Variants in EYS observed in about 807,000 individuals in gnomAD.
The protein encoded by EYS is protein eyes shut homolog.
A neutral mutation model predicts 282.1 loss-of-function variants in EYS; 250 were observed. That is an observed-to-expected ratio of 0.89 (90% CI 0.80 to 0.98). The LOEUF (loss-of-function observed/expected upper bound fraction) is 0.98, where lower values mean the gene tolerates loss of function less well. Among genes scored for constraint, EYS ranks in the 50% least tolerant of loss-of-function variants. EYS has a pLI of 0.00. For missense variants in EYS, 4,016 were observed against 3,709.0 expected, an observed-to-expected ratio of 1.08 and a Z score of -2.15; for synonymous variants, 1,355 against 1,282.9, an observed-to-expected ratio of 1.06 and a Z score of -1.20.
At chr6:64,969,974 CA>C (rs1415511555) in intron 14 of EYS, among the ~76,000 whole-genome samples, 2 of 152,066 alleles carry the variant, frequency 1.3e-5, no homozygotes, top group African/African-American at 4.8e-5. Context: ...GGCTTTAATA[CA>C]GTAGCTATTT....
At chr6:65,407,558 A>G (rs948389281) in intron 5 of EYS, among the ~76,000 whole-genome samples, 1 of 152,012 alleles carries the variant, frequency 6.6e-6, no homozygotes, top group Non-Finnish European at 1.5e-5. Flanking sequence ...CCGGCCTTGA[A>G]GTATTGTTTT....
intron 26 of EYS, among the ~76,000 whole-genome samples, chr6:64,487,527 C>T (rs1251165402): frequency 6.6e-6 from 1 of 150,604 alleles, no homozygotes; most frequent in Non-Finnish European, 1.5e-5. Context: ...TGCTTATGTC[C>T]TAACAAAATT....
At chr6:65,637,067 C>T (rs1767114216) in intron 2 of EYS, among the ~76,000 whole-genome samples, 2 of 152,184 alleles carry the variant, frequency 1.3e-5, no homozygotes, top group African/African-American at 4.8e-5. Context: ...GATCCTCCAC[C>T]TCTGCGTCTA....
intron 30 of EYS, among the ~76,000 whole-genome samples, chr6:64,271,482 T>A (rs955929828): frequency 1.3e-5 from 2 of 152,284 alleles, no homozygotes; most frequent in East Asian, 3.9e-4. Flanking sequence ...TTAAATTTAC[T>A]GATTTTAAAA....
intron 8 of EYS, among the ~76,000 whole-genome samples, chr6:65,366,632 T>C (rs1764922168): frequency 1.3e-5 from 2 of 151,640 alleles, no homozygotes; most frequent in Admixed American, 6.7e-5. Context: ...CTTGAAGCCT[T>C]TGTGGATTTG....
In EYS at chr6:63,824,829, G is replaced by A. The variant is rs113396523; in HGVS notation, c.7229-18457C>T. 7.2e-3 allele frequency among the ~76,000 whole-genome samples: 1,075 copies of A among 148,526 alleles called. 15 individuals carry two copies. Among genetic ancestry groups the A allele is most frequent in the South Asian group, 0.023 (113 of 4,814 alleles). ...CCATCAGGAGGGTGGCCAGAGGAAC[G>A]GGGGCAAAACTCCAAAGGGAGAAGG... is the stretch of plus-strand genomic sequence containing the variant. On this transcript the variant is annotated intron_variant, in intron 36 of 42. Transcript: ENST00000503581.
intron 22 of EYS, among the ~76,000 whole-genome samples, chr6:64,804,675 A>G (rs1764369115): frequency 6.6e-6 from 1 of 152,174 alleles, no homozygotes; most frequent in South Asian, 2.1e-4. Flanking sequence ...TACTAAAGCA[A>G]CCTATGTTTG....
chr6:65,033,226 A>G lies in EYS; in HGVS notation c.2137+24388T>C, dbSNP rs1028388570. On this transcript the variant is annotated intron_variant, in intron 13 of 42. Transcript: ENST00000503581. Reference sequence around the variant, plus strand: ...AGTTATATATGAAAGAGAAGCAAACATAAGAGTTTGGAAAATTTGCAGCCT... The same window carrying G: ...AGTTATATATGAAAGAGAAGCAAACGTAAGAGTTTGGAAAATTTGCAGCCT... Among the ~76,000 whole-genome samples, 4 of 152,214 alleles carry G rather than the reference A, an allele frequency of 2.6e-5. No homozygotes were observed. The South Asian group carries it at 6.2e-4, about 24-fold the overall frequency.
At chr6:64,923,463 C>T (rs1345659549) in intron 15 of EYS, among the ~76,000 whole-genome samples, 1 of 152,130 alleles carries the variant, frequency 6.6e-6, no homozygotes, top group African/African-American at 2.4e-5. Flanking sequence ...TCATTTCACC[C>T]ATGGCCCTTC....
intron 30 of EYS, among the ~76,000 whole-genome samples, chr6:64,269,663 A>G (rs906730825): frequency 3.9e-5 from 6 of 152,098 alleles, no homozygotes; most frequent in South Asian, 4.1e-4. Flanking sequence ...CAGTCAAATG[A>G]TTTTTAGGAT....
At chr6:64,926,872 G>A (rs980751479) in intron 15 of EYS, among the ~76,000 whole-genome samples, 4 of 152,122 alleles carry the variant, frequency 2.6e-5, no homozygotes, top group African/African-American at 7.2e-5. Flanking sequence ...CAAGACATAC[G>A]TTAATTGTGA....
intron 35 of EYS, among the ~76,000 whole-genome samples, chr6:63,931,786 C>A (rs1764902117): frequency 6.6e-6 from 1 of 152,134 alleles, no homozygotes; most frequent in Non-Finnish European, 1.5e-5. Flanking sequence ...GAATATTTAA[C>A]AATTTCTTTT....
chr6:64,060,415 T>A (rs960456981), intron 33 of EYS, among the ~76,000 whole-genome samples: 2 of 152,176 alleles, frequency 1.3e-5, no homozygotes, highest in African/African-American at 4.8e-5. Flanking sequence ...ATAACTGGAA[T>A]CTGATGTTGA....
intron 22 of EYS, among the ~76,000 whole-genome samples, chr6:64,766,690 T>A (rs568552262): frequency 1.8e-5 from 1 of 57,140 alleles, no homozygotes; most frequent in African/African-American, 5.4e-5. Flanking sequence ...ATATAAAATC[T>A]AACAAATTGT....
intron 28 of EYS, among the ~76,000 whole-genome samples, chr6:64,417,450 C>A (rs575507310): frequency 2.7e-4 from 41 of 152,122 alleles, no homozygotes; most frequent in African/African-American, 9.4e-4. Context: ...AAAGTGAAAA[C>A]CATTTATACC....
At chr6:65,069,354 C>A (rs772433810) in intron 12 of EYS, among the ~76,000 whole-genome samples, 10 of 151,990 alleles carry the variant, frequency 6.6e-5, no homozygotes, top group Non-Finnish European at 1.0e-4. Context: ...TACTCATTTT[C>A]TCCATTTCCT....
chr6:64,308,125 G>A (rs1157509032), intron 29 of EYS, among the ~76,000 whole-genome samples: 1 of 151,978 alleles, frequency 6.6e-6, no homozygotes, highest in Non-Finnish European at 1.5e-5. Flanking sequence ...CTTATCTGCA[G>A]ATATCAAAAC....
chr6:63,862,876 C>G (rs1301246652), intron 36 of EYS, among the ~76,000 whole-genome samples: 1 of 152,218 alleles, frequency 6.6e-6, no homozygotes, highest in Non-Finnish European at 1.5e-5. Context: ...AACTCTTCCC[C>G]TCTTAAGTCA....
chr6:64,642,686 T>C (rs973921616), intron 22 of EYS, among the ~76,000 whole-genome samples: 3 of 152,214 alleles, frequency 2.0e-5, no homozygotes, highest in African/African-American at 7.2e-5. Flanking sequence ...ATAACACTTG[T>C]CCAGCTAATG....
Sources: gnomAD v4.1 joint callset for allele counts (sites outside exome capture counted in the v4.1 genomes callset) on GRCh38, gnomAD v4.1.1 for gene constraint, MANE v1.5 for transcripts, NCBI Gene and HGNC (gene_info 2026-07-23, HGNC 2026-07-21) for gene names.